The following ZNF746 variants were observed in gnomAD, a reference collection of about 807,000 sequenced individuals.
ZNF746 encodes parkin-interacting substrate.
Under a neutral mutation model 41.0 loss-of-function variants are expected in ZNF746, and 13 were observed. The ratio of observed to expected loss-of-function variants is 0.32; its 90% CI spans 0.21 to 0.50. ZNF746 has a LOEUF of 0.50. ZNF746 is among the 20% of genes least tolerant of loss of function. The pLI, the probability that ZNF746 is intolerant of heterozygous loss-of-function variation, is 0.98. For synonymous variants in ZNF746, 424 were observed against 396.2 expected, an observed-to-expected ratio of 1.07 and a Z score of -0.83; for missense variants, 811 against 922.9, an observed-to-expected ratio of 0.88 and a Z score of 1.57.
intron 4 of ZNF746, among the ~76,000 whole-genome samples, chr7:149,481,309 T>G (rs186414795): frequency 6.6e-6 from 1 of 152,360 alleles, no homozygotes; most frequent in East Asian, 1.9e-4. Flanking sequence ...TCAAGTCCCT[T>G]GTATAAATTG....
chr7:149,477,357 A>T (rs1198415450), intron 5 of ZNF746, among the ~76,000 whole-genome samples: 1 of 152,190 alleles, frequency 6.6e-6, no homozygotes, highest in Non-Finnish European at 1.5e-5. Context: ...ACAGGGCCAG[A>T]GAGACACCCA....
chr7:149,487,650 A>C (rs556797750), intron 4 of ZNF746: 55 of 152,352 alleles, frequency 3.6e-4, no homozygotes, highest in African/African-American at 1.3e-3. Flanking sequence ...TAATAAACAA[A>C]AGTCAACAGC....
At position 149,480,092 on chromosome 7, in the gene ZNF746, A is replaced by C. The variant is rs565665499; in HGVS notation, c.566-2337T>G. Among the ~76,000 whole-genome samples the C allele has an allele frequency of 2.0e-3, 304 of 152,330 alleles. 1 individual carries two copies. The highest frequency in any genetic ancestry group is 7.0e-3 in the African/African-American group (293 of 41,584). ...TAGCTTGAAGTGGTCCTAAGTCTGCATTGGCATCAGATGACCAGCTGAGGA... is the reference window on the plus strand; with the variant it reads ...TAGCTTGAAGTGGTCCTAAGTCTGCCTTGGCATCAGATGACCAGCTGAGGA... On this transcript the variant is annotated intron_variant, in intron 4 of 6. Coordinates refer to ENST00000458143, the MANE Select transcript of ZNF746 (RefSeq NM_001394198.1).
chr7:149,474,737 G>A lies in ZNF746; in HGVS notation c.1630C>T (p.His544Tyr). Residue 544 changes from histidine to tyrosine, a missense_variant, in exon 7 of 7, where the codon CAT becomes TAT. Physicochemically the swap from His to Tyr is moderately conservative, Grantham distance 83. Around this residue, in one of 4 missense-constraint regions of ZNF746, gnomAD observed 70 missense variants for 127.6 expected, o/e 0.55. Coordinates refer to ENST00000458143, the MANE Select transcript of ZNF746 (RefSeq NM_001394198.1). This position sits in a 1 kb window ranked among gnomAD's most constrained non-coding sequence, Gnocchi z 6.3. ...CGCTCGCCGGTGTGCAGCATGCGAT[G>A]GCGGATGAGGTGCGCGGGGCGCGTG... is the stretch of plus-strand genomic sequence containing the variant. ...CFTRPAHLIRHRMLHTGERPF... is the reference protein window; with the variant it reads ...CFTRPAHLIRYRMLHTGERPF... 1 of 1,608,670 alleles carries A rather than the reference G, an allele frequency of 6.2e-7. No homozygotes were observed. Among genetic ancestry groups the A allele is most frequent in the Non-Finnish European group, 8.5e-7 (1 of 1,178,876 alleles).
At chr7:149,496,724 G>T in intron 1 of ZNF746, 7 of 676,518 alleles carry the variant, frequency 1.0e-5, no homozygotes, top group Non-Finnish European at 1.3e-5. Flanking sequence ...GGCCAGGAGG[G>T]GTGGACAGCG....
chr7:149,476,244 C>T (rs1390329787), intron 6 of ZNF746, among the ~76,000 whole-genome samples: 2 of 132,954 alleles, frequency 1.5e-5, no homozygotes, highest in Admixed American at 8.5e-5. Flanking sequence ...ACCCGGAAGG[C>T]GGAGCGTGCA....
intron 4 of ZNF746, chr7:149,487,523 A>G (rs1213245765): frequency 6.6e-6 from 1 of 152,230 alleles, no homozygotes; most frequent in East Asian, 1.9e-4. Flanking sequence ...TAAAGTTACA[A>G]AAAGTTAAAA....
intron 4 of ZNF746, 100 bp from the exon 5 acceptor site, chr7:149,477,855 G>C: frequency 9.8e-7 from 1 of 1,019,460 alleles, no homozygotes; most frequent in Non-Finnish European, 1.4e-6. Flanking sequence ...GCCTTACAAG[G>C]GTCCAACAGC....
intron 4 of ZNF746, among the ~76,000 whole-genome samples, chr7:149,478,375 C>T (rs754244811): frequency 2.0e-5 from 3 of 152,154 alleles, no homozygotes; most frequent in Non-Finnish European, 2.9e-5. Flanking sequence ...TGTCTGCCTG[C>T]GGGAGCCACC....
At chr7:149,480,404 T>G (rs979612684) in intron 4 of ZNF746, among the ~76,000 whole-genome samples, 9 of 151,840 alleles carry the variant, frequency 5.9e-5, no homozygotes, top group Admixed American at 2.6e-4. Context: ...TTTAGAATGG[T>G]GAGAAAAAAT....
intron 3 of ZNF746, 78 bp from the exon 4 acceptor site, chr7:149,493,050 G>C: frequency 1.1e-6 from 1 of 937,522 alleles, no homozygotes; most frequent in Non-Finnish European, 1.7e-6. Flanking sequence ...ACCAACAATG[G>C]TCTAGAAATG....
At chr7:149,495,035 G>T (rs1248132861) in intron 1 of ZNF746, among the ~76,000 whole-genome samples, 2 of 152,032 alleles carry the variant, frequency 1.3e-5, no homozygotes, top group African/African-American at 4.8e-5. Flanking sequence ...CAAGAGTATT[G>T]CTCAATTTCT....
At position 149,474,452 on chromosome 7, in the gene ZNF746, T is replaced by C. The variant is rs1216172339; in HGVS notation, c.1915A>G (p.Thr639Ala). 1.9e-6 allele frequency: 3 copies of C among 1,611,638 alleles called. No homozygotes were observed. Among genetic ancestry groups the C allele is most frequent in the Admixed American group, 1.7e-5 (1 of 59,724 alleles). ...CAAGTCCAGTCGGTCACAAGGTCTG[T>C]GGAGGCCAAAGGTCCTTTGGAGGCG... is the stretch of plus-strand genomic sequence containing the variant. ...SPASKGPLAS[T>A]DLVTDWTCGL... Residue 639 changes from threonine to alanine, a missense_variant, in exon 7 of 7, where the codon ACA becomes GCA. By Grantham distance (58) the Thr-to-Ala change is moderately conservative. This residue lies in a region of ZNF746 where 99 missense variants were observed against 80.3 expected (regional missense o/e 1.23). Transcript: ENST00000458143. The surrounding 1 kb of genome is among the most constrained non-coding windows in gnomAD (Gnocchi z 6.3).
At position 149,494,025 on chromosome 7, in the gene ZNF746, C is replaced by T. The variant is rs372298646; in HGVS notation, c.415G>A (p.Val139Met). The T allele has an allele frequency of 5.0e-6, 8 of 1,614,092 alleles. No individual in the cohort carries two copies. The highest frequency in any genetic ancestry group is 1.6e-4 in the Middle Eastern group (1 of 6,084). Residue 139 changes from valine to methionine, a missense_variant, in exon 3 of 7, where the codon GTG (valine) becomes ATG (methionine). Coordinates refer to ENST00000458143, the MANE Select transcript of ZNF746 (RefSeq NM_001394198.1). The surrounding 1 kb of genome is among the most constrained non-coding windows in gnomAD (Gnocchi z 5.6). Reference sequence around the variant, plus strand: ...AGCGTCTCGTAGTTGCCCCTCATCACGTGCTTGTAGAGCTCCTTCTGCCAG... The same window carrying T: ...AGCGTCTCGTAGTTGCCCCTCATCATGTGCTTGTAGAGCTCCTTCTGCCAG... ...EDWQKELYKH[V>M]MRGNYETLVS... is the part of the protein sequence containing the mutation.
rs1800268738 is a variant in ZNF746, at chr7:149,475,499, A to C, written c.884-16T>G. 1 of 1,605,174 alleles carries C rather than the reference A, an allele frequency of 6.2e-7. No homozygotes were observed. Among genetic ancestry groups the C allele is most frequent in the African/African-American group, 1.3e-5 (1 of 74,726 alleles). On this transcript the variant is annotated splice_polypyrimidine_tract_variant and intron_variant, in intron 6 of 6. Coordinates refer to ENST00000458143, the MANE Select transcript of ZNF746 (RefSeq NM_001394198.1). ...TTTACATCTGCTGAGAAAGACAGAA[A>C]GACAGATACTGACCTGTCCCTTAAC...
rs3953480 is a variant in ZNF746, at chr7:149,492,646, C to T, written c.565+213G>A. ...GTCTCTTCCTAAAAGATTAGGTTTG[C>T]CACCTGTTTCCCTGACAGAAAGTGT... is the stretch of plus-strand genomic sequence containing the variant. On this transcript the variant is annotated intron_variant, in intron 4 of 6. Coordinates refer to ENST00000458143, the MANE Select transcript of ZNF746 (RefSeq NM_001394198.1). 2.6e-3 allele frequency among the ~76,000 whole-genome samples: 390 copies of T among 152,326 alleles called. 2 individuals carry two copies. The highest frequency in any genetic ancestry group is 8.6e-3 in the African/African-American group (356 of 41,562).
Position 149,474,720 on chromosome 7 carries a change from G to A in ZNF746, c.1647C>T (p.Thr549=). The part of the protein sequence containing the change: ...AHLIRHRMLH[T]GERPFPCTEC... ...CGGTGCAGGGGAAGGGCCGCTCGCC[G>A]GTGTGCAGCATGCGATGGCGGATGA... Residue 549 remains threonine (T), a synonymous_variant, in exon 7 of 7, where the codon ACC becomes ACT. Coordinates refer to ENST00000458143, the MANE Select transcript of ZNF746 (RefSeq NM_001394198.1). The surrounding 1 kb of genome is among the most constrained non-coding windows in gnomAD (Gnocchi z 6.3). 6 of 1,611,468 alleles carry A rather than the reference G, an allele frequency of 3.7e-6. No individual in the cohort carries two copies. The highest frequency in any genetic ancestry group is 5.1e-6 in the Non-Finnish European group (6 of 1,179,434).
At chr7:149,493,177 G>A (rs1800867897) in intron 3 of ZNF746, among the ~76,000 whole-genome samples, 1 of 152,150 alleles carries the variant, frequency 6.6e-6, no homozygotes. Context: ...TGGGGGAGAG[G>A]TGACTGGCAT....
chr7:149,497,391 C>A lies in ZNF746; in HGVS notation c.24+122G>T. The A allele has an allele frequency of 1.0e-6, 1 of 1,004,410 alleles. No individual in the cohort carries two copies. The highest frequency in any genetic ancestry group is 1.2e-6 in the Non-Finnish European group (1 of 838,246). The allele number at this position is 1,004,410 out of a possible 1,614,324, so 62.2% of individuals were successfully genotyped here. A position where few individuals can be genotyped will look rare whatever the true frequency, so the allele number is the denominator to read the frequency against. On this transcript the variant is annotated intron_variant, in intron 1 of 6. Coordinates refer to ENST00000458143, the MANE Select transcript of ZNF746 (RefSeq NM_001394198.1). The surrounding 1 kb of genome is among the most constrained non-coding windows in gnomAD (Gnocchi z 4.2). ...CCCCGCGCCCCATTCGCGGGAGCCCCAGGCCCGGTGGTCCGGCCCGGACCC... is the reference window on the plus strand; with the variant it reads ...CCCCGCGCCCCATTCGCGGGAGCCCAAGGCCCGGTGGTCCGGCCCGGACCC...
Sources: allele counts gnomAD v4.1 joint callset (sites outside exome capture counted in the v4.1 genomes callset), GRCh38; gene constraint gnomAD v4.1.1; regional missense constraint gnomAD v4.1.1; non-coding constraint Gnocchi (gnomAD v3.1); transcripts MANE v1.5; gene names NCBI Gene and HGNC (gene_info 2026-07-23, HGNC 2026-07-21).